MGA: variants seen among roughly 807,000 people sequenced by gnomAD.
The protein encoded by MGA is MAX gene-associated protein.
MGA carries 40 observed loss-of-function variants against 261.1 expected under a neutral mutation model. The observed-to-expected ratio is 0.15, with a 90% CI of 0.12 to 0.20. The LOEUF (loss-of-function observed/expected upper bound fraction) is 0.20, where lower values mean the gene tolerates loss of function less well. Ranked by LOEUF, MGA falls within the 10% of genes least tolerant of loss-of-function variation. The pLI is 1.00. For missense variants in MGA, 3,397 were observed against 3,630.5 expected (o/e 0.94, Z 1.65); for synonymous variants, 1,302 against 1,290.6 (o/e 1.01, Z -0.19).
At chr15:41,749,087 T>C in intron 16 of MGA, 24 bp from the exon 17 acceptor site, 1 of 1,586,640 alleles carries the variant, frequency 6.3e-7, no homozygotes, top group Non-Finnish European at 8.6e-7. Context: ...GATTTAAAAA[T>C]TTCTCTCTTA....
At chr15:41,705,424 C>G (rs759512698) in intron 5 of MGA, among the ~76,000 whole-genome samples, 1 of 151,922 alleles carries the variant, frequency 6.6e-6, no homozygotes, top group Non-Finnish European at 1.5e-5. Flanking sequence ...TGCAGTGGCA[C>G]GATCATGGCT....
Position 41,765,011 on chromosome 15 carries a change from T to C in MGA, c.7870T>C (p.Leu2624=). The C allele has an allele frequency of 6.2e-7, 1 of 1,614,026 alleles. No individual in the cohort carries two copies. Residue 2624 remains leucine (L), a synonymous_variant, in exon 23 of 24, where the codon TTA becomes CTA. Coordinates refer to ENST00000219905, the MANE Select transcript of MGA (RefSeq NM_001164273.2). ...AGTGGTAGCTGTTTCTCCTGATCTC[T>C]TAGAATCTGATCTTAAGCCTCAAGT...
chr15:41,760,208 AC>A (rs2063375120), intron 19 of MGA, 114 bp from the exon 20 acceptor site: 2 of 937,218 alleles, frequency 2.1e-6, no homozygotes, highest in Non-Finnish European at 3.4e-6. Flanking sequence ...AGAGGCTGTT[AC>A]AACAGTCCAG....
intron 2 of MGA, among the ~76,000 whole-genome samples, chr15:41,687,044 T>C (rs2059006460): frequency 6.6e-6 from 1 of 152,150 alleles, no homozygotes; most frequent in South Asian, 2.1e-4. Context: ...TTTTTTTTCA[T>C]TATGTATTTG....
chr15:41,701,036 A>G lies in MGA; in HGVS notation c.2188+1877A>G, dbSNP rs551098870. Among the ~76,000 whole-genome samples the G allele has an allele frequency of 4.4e-4, 67 of 152,234 alleles. 2 individuals carry two copies. The highest frequency in any genetic ancestry group is 4.6e-4 in the Admixed American group (7 of 15,276). On this transcript the variant is annotated intron_variant, in intron 5 of 23. Coordinates refer to ENST00000219905, the MANE Select transcript of MGA (RefSeq NM_001164273.2). ...AGTGTGCAGATCCCAGTCTCAGTCA[A>G]TCAATGTGGGCTGATTGCTGTGGAT... is the stretch of plus-strand genomic sequence containing the variant.
At chr15:41,692,185 A>G (rs1164161858) in intron 2 of MGA, among the ~76,000 whole-genome samples, 1 of 151,802 alleles carries the variant, frequency 6.6e-6, no homozygotes, top group Non-Finnish European at 1.5e-5. Flanking sequence ...ATTTCAGCTC[A>G]CCTCTCGTTT....
chr15:41,686,371 TA>T (rs986221415), intron 2 of MGA, among the ~76,000 whole-genome samples: 14 of 151,818 alleles, frequency 9.2e-5, no homozygotes, highest in Non-Finnish European at 1.6e-4. Context: ...TATAAAAACT[TA>T]AAAAAATAAT....
intron 8 of MGA, 50 bp downstream of exon 8, chr15:41,711,399 G>A (rs780959763): frequency 1.3e-5 from 19 of 1,510,102 alleles, no homozygotes; most frequent in Middle Eastern, 1.8e-4. Context: ...GCTAGAAAGA[G>A]CGAGGTTAGT....
rs1484471234 is a variant in MGA at position 41,766,507 on chromosome 15, C to T, written c.8425C>T (p.Leu2809=). ...GGAAGCAGCTCTTGATTCCAGTGAA[C>T]TGCTGACTAACATGGAAGATGAGGA... Residue 2809 remains leucine, a synonymous_variant, in exon 24 of 24, where the codon CTG becomes TTG. Coordinates refer to ENST00000219905, the MANE Select transcript of MGA (RefSeq NM_001164273.2). 2 of 1,613,990 alleles carry T rather than the reference C, an allele frequency of 1.2e-6. No homozygotes were observed. The highest frequency in any genetic ancestry group is 1.1e-5 in the South Asian group (1 of 91,084).
intron 12 of MGA, among the ~76,000 whole-genome samples, 173 bp downstream of exon 12, chr15:41,734,767 C>T (rs2151774091): frequency 6.6e-6 from 1 of 152,164 alleles, no homozygotes; most frequent in African/African-American, 2.4e-5. Context: ...ATTATTTGGT[C>T]TGTTAACACT....
chr15:41,668,684 G>T lies in MGA; in HGVS notation c.-67-144G>T, dbSNP rs146847215. The T allele has an allele frequency of 1.1e-3, 467 of 420,858 alleles. 2 individuals carry two copies. Among genetic ancestry groups the T allele is most frequent in the African/African-American group, 8.8e-3 (441 of 50,168 alleles). 26.1% of individuals were successfully genotyped at this position (420,858 alleles called of 1,614,324 possible). ...GTAAATATTCTTACTGTGATTGAAA[G>T]AAAAGCTTAGAAGCAAAGTCTTAGA... On this transcript the variant is annotated intron_variant, in intron 1 of 23. Coordinates refer to ENST00000219905, the MANE Select transcript of MGA (RefSeq NM_001164273.2).
Position 41,762,310 on chromosome 15 carries a change from T to G in MGA, c.7692T>G (p.Asn2564Lys), listed in dbSNP as rs1379056223. 2.5e-6 allele frequency: 4 copies of G among 1,613,744 alleles called. No homozygotes were observed. In the South Asian group the frequency reaches 4.4e-5, roughly 18 times the overall value. The stretch of plus-strand genomic sequence containing the variant: ...TAGATCTTGGACAGATGTTTATAAA[T>G]AACAGGAGGGGGAAACCTTTGATTC... Residue 2564 changes from asparagine (N) to lysine (K), a missense_variant, in exon 22 of 24, where the codon AAT becomes AAG. This residue lies in a region of MGA where 647 missense variants were observed against 642.4 expected (regional missense o/e 1.01). Coordinates refer to ENST00000219905, the MANE Select transcript of MGA (RefSeq NM_001164273.2).
chr15:41,633,972 T>A (rs756572874), intron 1 of MGA, among the ~76,000 whole-genome samples: 45 of 152,154 alleles, frequency 3.0e-4, no homozygotes, highest in Non-Finnish European at 5.1e-4. Flanking sequence ...TCTCCTTGCT[T>A]TTCCTTGTTC....
upstream of MGA, among the ~76,000 whole-genome samples, chr15:41,657,330 G>C (rs370476507): frequency 7.0e-6 from 1 of 143,402 alleles, no homozygotes; most frequent in Non-Finnish European, 1.5e-5. Flanking sequence ...AGGTTGGCTA[G>C]TGAAGGCCCT....
At chr15:41,734,057 G>T (rs1334993243) in intron 11 of MGA, among the ~76,000 whole-genome samples, 1 of 151,784 alleles carries the variant, frequency 6.6e-6, no homozygotes, top group Non-Finnish European at 1.5e-5. Flanking sequence ...ATAGGTGTGT[G>T]CCACCATTTG....
In MGA at chr15:41,762,459, TGG is replaced by T. The variant is rs377490076; in HGVS notation, c.7744+98_7744+99del. On this transcript the variant is annotated intron_variant, in intron 22 of 23. Transcript: ENST00000219905. ...TCTTGTCCACATTTTTAGTTTTGTGTGGTTTTTTTTTTTTTTTTTTTTTTTTT... is the reference window on the plus strand; with the variant it reads ...TCTTGTCCACATTTTTAGTTTTGTGTTTTTTTTTTTTTTTTTTTTTTTTTT... The T allele has an allele frequency of 1.9e-4, 95 of 493,506 alleles. 1 individual carries two copies. Among genetic ancestry groups the T allele is most frequent in the African/African-American group, 1.9e-3 (82 of 43,240 alleles). 30.6% of individuals were successfully genotyped at this position (493,506 alleles called of 1,614,324 possible).
At chr15:41,744,583 G>C (rs1011861193) in intron 15 of MGA, among the ~76,000 whole-genome samples, 5 of 152,092 alleles carry the variant, frequency 3.3e-5, no homozygotes, top group African/African-American at 1.2e-4. Flanking sequence ...CATACTTTTG[G>C]GAGTGAAGTC....
chr15:41,694,213 C>T (rs62002066), intron 2 of MGA, among the ~76,000 whole-genome samples: 43,622 of 151,682 alleles, frequency 0.29, 7,402 homozygotes, highest in Admixed American at 0.38. Flanking sequence ...GTTAGGAGTT[C>T]GAGACCAGCC....
At chr15:41,711,468 A>G in intron 8 of MGA, 119 bp downstream of exon 8, 1 of 1,025,456 alleles carries the variant, frequency 9.8e-7, no homozygotes, top group Non-Finnish European at 1.4e-6. Context: ...TAGCATTTAG[A>G]ACCTTCATGG....
Sources: gnomAD v4.1 joint callset for allele counts (sites outside exome capture counted in the v4.1 genomes callset) on GRCh38, gnomAD v4.1.1 for gene constraint, gnomAD v4.1.1 regional missense constraint, MANE v1.5 for transcripts, NCBI Gene and HGNC (gene_info 2026-07-23, HGNC 2026-07-21) for gene names.